Variants in IFT80 observed in about 807,000 individuals in gnomAD.
The protein encoded by IFT80 is intraflagellar transport 80, also known as intraflagellar transport protein 80 homolog.
IFT80 carries 79 observed loss-of-function variants against 107.9 expected under a neutral mutation model. The observed-to-expected ratio is 0.73, with a 90% CI of 0.61 to 0.88. The LOEUF is 0.88. IFT80 is among the 40% of genes least tolerant of loss of function. IFT80 has a pLI of 0.00. For synonymous variants in IFT80, 299 were observed against 300.9 expected, an observed-to-expected ratio of 0.99 and a Z score of 0.07; for missense variants, 797 against 914.2, an observed-to-expected ratio of 0.87 and a Z score of 1.65.
At chr3:160,349,076 A>G (rs761212329) in intron 8 of IFT80, among the ~76,000 whole-genome samples, 25 of 152,098 alleles carry the variant, frequency 1.6e-4, no homozygotes, top group Non-Finnish European at 3.4e-4. Flanking sequence ...TAAATGGGTA[A>G]AATGTGTCAT....
chr3:160,281,393 T>A (rs1047978143), intron 14 of IFT80, among the ~76,000 whole-genome samples: 1 of 152,122 alleles, frequency 6.6e-6, no homozygotes, highest in Admixed American at 6.5e-5. Context: ...CCCATAGAAT[T>A]GGGGTCTTGG....
chr3:160,361,583 GCAC>G (rs1355705597), intron 6 of IFT80, among the ~76,000 whole-genome samples: 1 of 152,138 alleles, frequency 6.6e-6, no homozygotes, highest in East Asian at 1.9e-4. Flanking sequence ...ATTATTCTCA[GCAC>G]CACACCACAC....
At chr3:160,304,577 A>T (rs941539289) in intron 10 of IFT80, among the ~76,000 whole-genome samples, 2 of 151,674 alleles carry the variant, frequency 1.3e-5, no homozygotes, top group Admixed American at 6.6e-5. Context: ...CTGGGACTAC[A>T]GGCGCCTGCC....
chr3:160,333,608 TGCAGGG>T (rs1490426328), intron 8 of IFT80, among the ~76,000 whole-genome samples: 3 of 152,182 alleles, frequency 2.0e-5, no homozygotes, highest in African/African-American at 7.2e-5. Context: ...CCTAGGCCTA[TGCAGGG>T]TCAGAATCAT....
Position 160,277,476 on chromosome 3 carries a change from A to C in IFT80, c.1929T>G (p.Ile643Met). The C allele has an allele frequency of 6.2e-7, 1 of 1,603,848 alleles. No individual in the cohort carries two copies. The highest frequency in any genetic ancestry group is 8.5e-7 in the Non-Finnish European group (1 of 1,171,498). Residue 643 changes from isoleucine to methionine, a missense_variant and splice_region_variant, in exon 18 of 20, where the codon ATT becomes ATG. Transcript: ENST00000326448. ...TAGAATTGATGTACTGAACCTTATC[A>C]ATCTAAAAAAGAAAAGAAAAATATT... The part of the protein sequence containing the change: ...AEIAYAAIGE[I>M]DKVQYINSIK...
chr3:160,396,005 A>G (rs1231523945), intron 1 of IFT80, among the ~76,000 whole-genome samples: 2 of 151,966 alleles, frequency 1.3e-5, no homozygotes, highest in Non-Finnish European at 2.9e-5. Flanking sequence ...AACCTAACCT[A>G]TTTTTAGTGA....
chr3:160,258,503 T>G lies in IFT80; in HGVS notation c.*22A>C. 2 of 1,613,478 alleles carry G rather than the reference T, an allele frequency of 1.2e-6. No homozygotes were observed. The highest frequency in any genetic ancestry group is 1.7e-6 in the Non-Finnish European group (2 of 1,179,922). On this transcript the variant is annotated 3_prime_UTR_variant, in exon 20 of 20. Coordinates refer to ENST00000326448, the MANE Select transcript of IFT80 (RefSeq NM_020800.3). ...CAGAACGTGTTTCAAAAGATAAAATTTCTTAAAGATACGCATGGCATTTAG... is the reference window on the plus strand; with the variant it reads ...CAGAACGTGTTTCAAAAGATAAAATGTCTTAAAGATACGCATGGCATTTAG...
At position 160,307,710 on chromosome 3, in the gene IFT80, G is replaced by C; in HGVS notation, c.1029C>G (p.Asn343Lys). Residue 343 changes from asparagine (N) to lysine (K), a missense_variant, in exon 10 of 20, where the codon AAC (asparagine) becomes AAG (lysine). By Grantham distance (94) the Asn-to-Lys change is moderately conservative (BLOSUM62 0). Transcript: ENST00000326448. ...ACGTTGAAACAACTAAGTGTGCATA[G>C]TTCAAAGATGCTTTAATGACTCTAT... ...FRDRVIKASL[N>K]YAHLVVSTSL... The C allele has an allele frequency of 6.2e-7, 1 of 1,604,594 alleles. No homozygotes were observed. Among genetic ancestry groups the C allele is most frequent in the Non-Finnish European group, 8.5e-7 (1 of 1,171,456 alleles).
At chr3:160,311,465 A>G (rs564505160) in intron 9 of IFT80, among the ~76,000 whole-genome samples, 2 of 152,354 alleles carry the variant, frequency 1.3e-5, no homozygotes, top group East Asian at 3.9e-4. Context: ...AAATGAAAAT[A>G]GTTCTTATCT....
At position 160,334,820 on chromosome 3, in the gene IFT80, A is replaced by C. The variant is rs1296791195; in HGVS notation, c.778-14881T>G. On this transcript the variant is annotated intron_variant, in intron 8 of 19. Transcript: ENST00000326448. ...ACTCTCATAGCTTTTTTTTTTTTTT[A>C]AAGACAGTTTCCTTGTTTTCTAGAA... 2.8e-5 allele frequency among the ~76,000 whole-genome samples: 4 copies of C among 141,682 alleles called. No homozygotes were observed. The East Asian group carries it at 8.1e-4, about 29-fold the overall frequency. The allele number at this position is 141,682 out of a possible 152,430, so 92.9% of individuals were successfully genotyped here. A position where few individuals can be genotyped will look rare whatever the true frequency, so the allele number is the denominator to read the frequency against.
intron 19 of IFT80, among the ~76,000 whole-genome samples, chr3:160,258,871 T>C (rs1243149080): frequency 2.0e-5 from 3 of 152,030 alleles, no homozygotes. Context: ...CTGAGGTGGG[T>C]GGATTGCTTG....
At chr3:160,338,616 A>C (rs1719661014) in intron 8 of IFT80, among the ~76,000 whole-genome samples, 1 of 151,196 alleles carries the variant, frequency 6.6e-6, no homozygotes, top group South Asian at 2.1e-4. Flanking sequence ...TGGGCAACAA[A>C]GTGAGACCCT....
chr3:160,352,984 A>G (rs912373378), intron 8 of IFT80, among the ~76,000 whole-genome samples: 3 of 152,166 alleles, frequency 2.0e-5, no homozygotes, highest in African/African-American at 4.8e-5. Flanking sequence ...ATGATCTTAG[A>G]GTATGCTTCC....
intron 19 of IFT80, among the ~76,000 whole-genome samples, chr3:160,264,983 C>G (rs1458634315): frequency 6.6e-6 from 1 of 152,136 alleles, no homozygotes; most frequent in African/African-American, 2.4e-5. Context: ...CTAGAACAGT[C>G]TCTGCTGATT....
At position 160,377,489 on chromosome 3, in the gene IFT80, G is replaced by T; in HGVS notation, c.311C>A (p.Ala104Asp). ...KLGRVEKSVE[A>D]HCGAVLAGRW... ...TCCTGCAAGTACTGCTCCACAGTGA[G>T]CTTCTACACTTTTTTCCACTCTTCC... The change falls in exon 4 of 20, where the codon GCT becomes GAT. Residue 104 changes from alanine to aspartate, a missense_variant. Physicochemically the swap from Ala to Asp is moderately radical, Grantham distance 126 (BLOSUM62 -2). Coordinates refer to ENST00000326448, the MANE Select transcript of IFT80 (RefSeq NM_020800.3). 6.2e-7 allele frequency: 1 copy of T among 1,610,750 alleles called. No individual in the cohort carries two copies.
At chr3:160,271,627 T>C (rs1470857574) in intron 18 of IFT80, among the ~76,000 whole-genome samples, 1 of 152,034 alleles carries the variant, frequency 6.6e-6, no homozygotes. Flanking sequence ...AATTCAAACA[T>C]GAAAGACAGA....
chr3:160,390,086 G>A (rs1358783315), intron 1 of IFT80, among the ~76,000 whole-genome samples: 3 of 152,124 alleles, frequency 2.0e-5, no homozygotes, highest in Non-Finnish European at 4.4e-5. Flanking sequence ...GGGAGTTTGG[G>A]AGGCAAAATA....
intron 8 of IFT80, among the ~76,000 whole-genome samples, chr3:160,353,125 C>G (rs749785969): frequency 1.3e-5 from 2 of 152,200 alleles, no homozygotes; most frequent in Non-Finnish European, 2.9e-5. Context: ...TGATACCTCA[C>G]CTTTGTTTAT....
intron 9 of IFT80, among the ~76,000 whole-genome samples, chr3:160,308,239 G>T (rs1007303317): frequency 8.5e-5 from 13 of 152,100 alleles, no homozygotes; most frequent in African/African-American, 3.1e-4. Flanking sequence ...CAAAAGTGGG[G>T]TAGGAGGTAT....
Sources: allele counts gnomAD v4.1 joint callset (sites outside exome capture counted in the v4.1 genomes callset), GRCh38; gene constraint gnomAD v4.1.1; transcripts MANE v1.5; gene names NCBI Gene and HGNC (gene_info 2026-07-23, HGNC 2026-07-21).